Variants in AP3B1 observed in about 807,000 individuals in gnomAD.
The protein encoded by AP3B1 is adaptor related protein complex 3 subunit beta 1.
A neutral mutation model predicts 132.5 loss-of-function variants in AP3B1; 61 were observed. The ratio of observed to expected loss-of-function variants is 0.46; its 90% CI spans 0.37 to 0.57. AP3B1 has a LOEUF of 0.57. Among genes scored for constraint, AP3B1 ranks in the 20% least tolerant of loss-of-function variants. The pLI is 0.00. For synonymous variants in AP3B1, 388 were observed against 438.3 expected, an observed-to-expected ratio of 0.89 and a Z score of 1.43; for missense variants, 1,120 against 1,289.4, an observed-to-expected ratio of 0.87 and a Z score of 2.01.
rs140209190 is a variant in AP3B1 at position 78,181,626 on chromosome 5, C to T, written c.823G>A (p.Glu275Lys). 9.2e-5 allele frequency: 148 copies of T among 1,611,988 alleles called. No homozygotes were observed. The highest frequency in any genetic ancestry group is 1.2e-4 in the Non-Finnish European group (141 of 1,179,356). The change falls in exon 8 of 27, where the codon GAA (glutamate) becomes AAA (lysine). Residue 275 changes from glutamate to lysine, a missense_variant. Glu to Lys is a moderately conservative substitution (Grantham distance 56). Around this residue, in one of 3 missense-constraint regions of AP3B1, gnomAD observed 906 missense variants for 997.1 expected, o/e 0.91. Coordinates refer to ENST00000255194, the MANE Select transcript of AP3B1 (RefSeq NM_003664.5). ...TTTTCCTTCTGATCATCATCAGATTCGTAGAAATTCTTTCCATTGTCTTCT... is the reference window on the plus strand; with the variant it reads ...TTTTCCTTCTGATCATCATCAGATTTGTAGAAATTCTTTCCATTGTCTTCT... ...ELEDNGKNFY[E>K]SDDDQKEKTD... is the part of the protein sequence containing the mutation.
intron 2 of AP3B1, among the ~76,000 whole-genome samples, chr5:78,244,844 A>T (rs529894339): frequency 6.6e-6 from 1 of 151,984 alleles, no homozygotes. Flanking sequence ...AAAATACAAA[A>T]ATTAGCTGGG....
At chr5:78,136,235 T>C (rs1347861349) in intron 15 of AP3B1, among the ~76,000 whole-genome samples, 1 of 152,218 alleles carries the variant, frequency 6.6e-6, no homozygotes, top group African/African-American at 2.4e-5. Context: ...GGCACTATTA[T>C]GTGCAAGGAA....
At chr5:78,274,738 T>C (rs1400176438) in intron 1 of AP3B1, among the ~76,000 whole-genome samples, 3 of 151,896 alleles carry the variant, frequency 2.0e-5, no homozygotes, top group African/African-American at 7.3e-5. Flanking sequence ...GGGCACAACA[T>C]AGTGAGGCCC....
chr5:78,201,645 G>T (rs1745293368), intron 7 of AP3B1, among the ~76,000 whole-genome samples: 1 of 152,130 alleles, frequency 6.6e-6, no homozygotes, highest in Admixed American at 6.6e-5. Flanking sequence ...AATGTTCCAT[G>T]ATTATATTCA....
chr5:78,007,210 A>C (rs760967077), intron 26 of AP3B1, among the ~76,000 whole-genome samples: 26 of 152,246 alleles, frequency 1.7e-4, no homozygotes, highest in Non-Finnish European at 5.9e-5. Flanking sequence ...TGAATTTAAA[A>C]GTATTTATCT....
intron 17 of AP3B1, among the ~76,000 whole-genome samples, 182 bp downstream of exon 17, chr5:78,127,848 T>C (rs552816058): frequency 2.0e-5 from 3 of 152,258 alleles, no homozygotes; most frequent in Non-Finnish European, 2.9e-5. Flanking sequence ...ACATGTACAA[T>C]GGCATAGGAA....
chr5:78,034,468 C>T, intron 23 of AP3B1, 23 bp from the exon 24 acceptor site: 1 of 1,537,900 alleles, frequency 6.5e-7, no homozygotes, highest in Non-Finnish European at 9.0e-7. Flanking sequence ...ATAATTTAGA[C>T]ATGAAAACAC....
At chr5:78,174,856 T>A (rs1380005993) in intron 11 of AP3B1, among the ~76,000 whole-genome samples, 1 of 152,260 alleles carries the variant, frequency 6.6e-6, no homozygotes, top group East Asian at 1.9e-4. Context: ...TAGGCCTTGC[T>A]GAGCTGTGGT....
chr5:78,293,970 C>G (rs1281151048), intron 1 of AP3B1, among the ~76,000 whole-genome samples: 2 of 152,150 alleles, frequency 1.3e-5, no homozygotes, highest in Non-Finnish European at 2.9e-5. Flanking sequence ...TCCATTCAAA[C>G]AGCCTAAATC....
At chr5:78,045,611 T>C (rs1015182912) in intron 22 of AP3B1, among the ~76,000 whole-genome samples, 46 of 152,152 alleles carry the variant, frequency 3.0e-4, no homozygotes, top group Non-Finnish European at 2.6e-4. Flanking sequence ...ATATTTAGAC[T>C]TTAGTTCAAT....
In AP3B1 at chr5:78,177,400, A is replaced by G; in HGVS notation, c.979T>C (p.Ser327Pro). The change falls in exon 9 of 27, where the codon TCA becomes CCA. Residue 327 changes from serine to proline, a missense_variant. Physicochemically the swap from Ser to Pro is moderately conservative, Grantham distance 74. This residue lies in a region of AP3B1 where 906 missense variants were observed against 997.1 expected (regional missense o/e 0.91). Coordinates refer to ENST00000255194, the MANE Select transcript of AP3B1 (RefSeq NM_003664.5). Reference sequence around the variant, plus strand: ...ATTATGCCAGCTTCAGATTTTGGTGATATGTGCCAATACAGCTGAGCAACT... The same window carrying G: ...ATTATGCCAGCTTCAGATTTTGGTGGTATGTGCCAATACAGCTGAGCAACT... ...MAVAQLYWHISPKSEAGIISK... is the reference protein window; with the variant it reads ...MAVAQLYWHIPPKSEAGIISK... 1.9e-6 allele frequency: 3 copies of G among 1,614,000 alleles called. No individual in the cohort carries two copies. Among genetic ancestry groups the G allele is most frequent in the Non-Finnish European group, 2.5e-6 (3 of 1,179,896 alleles).
intron 25 of AP3B1, among the ~76,000 whole-genome samples, chr5:78,019,539 G>C (rs1747003845): frequency 6.6e-6 from 1 of 151,986 alleles, no homozygotes; most frequent in Non-Finnish European, 1.5e-5. Flanking sequence ...GCAAATATAA[G>C]AATCAATTCA....
chr5:78,191,463 A>C (rs576058845), intron 7 of AP3B1, among the ~76,000 whole-genome samples: 1 of 152,182 alleles, frequency 6.6e-6, no homozygotes, highest in South Asian at 2.1e-4. Context: ...CAGTAACAAA[A>C]GGTGAGGCCA....
At chr5:78,018,937 A>T (rs1396686873) in intron 25 of AP3B1, among the ~76,000 whole-genome samples, 1 of 152,084 alleles carries the variant, frequency 6.6e-6, no homozygotes, top group Non-Finnish European at 1.5e-5. Context: ...TATTGAAAAG[A>T]CTCTTTAAAC....
chr5:78,028,880 G>C (rs1171439625), intron 24 of AP3B1, among the ~76,000 whole-genome samples: 2 of 152,134 alleles, frequency 1.3e-5, no homozygotes, highest in Non-Finnish European at 2.9e-5. Flanking sequence ...ATTTACTGGT[G>C]TAGAACTGTA....
intron 6 of AP3B1, among the ~76,000 whole-genome samples, chr5:78,219,358 A>G (rs1746087075): frequency 1.3e-5 from 2 of 152,152 alleles, no homozygotes; most frequent in Admixed American, 1.3e-4. Context: ...TTAAAGAAAA[A>G]CAAGAGAAAC....
chr5:78,234,063 T>A (rs1280357332), intron 3 of AP3B1, among the ~76,000 whole-genome samples: 6 of 152,150 alleles, frequency 3.9e-5, no homozygotes, highest in African/African-American at 1.4e-4. Flanking sequence ...GAAAATGACA[T>A]CATTGCAGTA....
chr5:78,115,908 A>C lies in AP3B1; in HGVS notation c.2077+218T>G. ...CCTGTTTCAGCTATACCAATGTATCAGCTACTATCCAAGAGATATTGTAAA... is the reference window on the plus strand; with the variant it reads ...CCTGTTTCAGCTATACCAATGTATCCGCTACTATCCAAGAGATATTGTAAA... On this transcript the variant is annotated intron_variant, in intron 18 of 26. Transcript: ENST00000255194. 5.5e-6 allele frequency: 3 copies of C among 548,738 alleles called. No homozygotes were observed. The South Asian group carries it at 5.5e-5, about 10-fold the overall frequency. The allele number at this position is 548,738 out of a possible 1,614,324, so 34.0% of individuals were successfully genotyped here. A position where few individuals can be genotyped will look rare whatever the true frequency, so the allele number is the denominator to read the frequency against.
At chr5:78,036,007 A>G (rs1747794541) in intron 23 of AP3B1, among the ~76,000 whole-genome samples, 1 of 152,112 alleles carries the variant, frequency 6.6e-6, no homozygotes, top group Non-Finnish European at 1.5e-5. Context: ...CTGACACATT[A>G]GTAGCAAATT....
Sources: allele counts gnomAD v4.1 joint callset (sites outside exome capture counted in the v4.1 genomes callset), GRCh38; gene constraint gnomAD v4.1.1; regional missense constraint gnomAD v4.1.1; transcripts MANE v1.5; gene names NCBI Gene and HGNC (gene_info 2026-07-23, HGNC 2026-07-21).